The following PFKFB4 variants were observed in gnomAD, a reference collection of about 807,000 sequenced individuals.
PFKFB4 encodes the protein 6-phosphofructo-2-kinase/fructose-2,6-biphosphatase 4.
In PFKFB4, 42 loss-of-function variants were observed where a neutral mutation model predicts 62.8. That is an observed-to-expected ratio of 0.67 (90% CI 0.52 to 0.86). The LOEUF (loss-of-function observed/expected upper bound fraction) is 0.86. Ranked by LOEUF, PFKFB4 falls within the 40% of genes least tolerant of loss-of-function variation. The pLI, the probability that PFKFB4 is intolerant of heterozygous loss-of-function variation, is 0.00. For synonymous variants in PFKFB4, 204 were observed against 240.7 expected (o/e 0.85, Z 1.41); for missense variants, 475 against 627.2 (o/e 0.76, Z 2.59).
chr3:48,556,954 C>T, upstream of PFKFB4: 4 of 1,394,544 alleles, frequency 2.9e-6, no homozygotes, highest in East Asian at 2.9e-5. The surrounding 1 kb of genome is among the most constrained non-coding windows in gnomAD (Gnocchi z 5.7). Flanking sequence ...GAAAGGGGCC[C>T]GGCCTCCGAC....
chr3:48,547,232 T>C (rs966878130), intron 3 of PFKFB4, among the ~76,000 whole-genome samples: 1 of 152,146 alleles, frequency 6.6e-6, no homozygotes, highest in Admixed American at 6.5e-5. Flanking sequence ...GCCCAAGTAT[T>C]TATATGTGTA....
chr3:48,559,515 C>T (rs2043398814), upstream of PFKFB4: 2 of 457,112 alleles, frequency 4.4e-6, no homozygotes, highest in South Asian at 1.5e-5. Flanking sequence ...CATGTGTGCT[C>T]CCACTCCCCT....
Position 48,519,588 on chromosome 3 carries a change from C to T in PFKFB4, c.*159G>A. Reference sequence around the variant, plus strand: ...CTTGTCGCCGACTGTCAACAAAGAGCCAGGTGGGCTGGGGTGGGGGCTCTG... The same window carrying T: ...CTTGTCGCCGACTGTCAACAAAGAGTCAGGTGGGCTGGGGTGGGGGCTCTG... On this transcript the variant is annotated 3_prime_UTR_variant, in exon 14 of 14. Coordinates refer to ENST00000232375, the MANE Select transcript of PFKFB4 (RefSeq NM_004567.4). 1.6e-6 allele frequency: 1 copy of T among 621,120 alleles called. No individual in the cohort carries two copies. The highest frequency in any genetic ancestry group is 2.6e-5 in the Admixed American group (1 of 37,892). 38.5% of individuals were successfully genotyped at this position (621,120 alleles called of 1,614,324 possible).
Position 48,536,288 on chromosome 3 carries a change from C to T in PFKFB4, c.808G>A (p.Gly270Arg), listed in dbSNP as rs749567992. Residue 270 changes from glycine (G) to arginine (R), a missense_variant, in exon 8 of 14, where the codon GGG (glycine) becomes AGG (arginine). By Grantham distance (125) the Gly-to-Arg change is moderately radical (BLOSUM62 -2). Coordinates refer to ENST00000232375, the MANE Select transcript of PFKFB4 (RefSeq NM_004567.4). ...CCCCGAGGGGACAGTCCTGGGTCCC[C>T]GCCAATCCGGCCCTTGAGGTTGAGC... ...SELNLKGRIG[G>R]DPGLSPRGRE... is the part of the protein sequence containing the mutation. 1.7e-5 allele frequency: 27 copies of T among 1,613,978 alleles called. No individual in the cohort carries two copies. Among genetic ancestry groups the T allele is most frequent in the Middle Eastern group, 1.7e-4 (1 of 6,060 alleles).
chr3:48,532,194 CA>C (rs1219786697), intron 9 of PFKFB4, among the ~76,000 whole-genome samples: 1 of 152,100 alleles, frequency 6.6e-6, no homozygotes, highest in Non-Finnish European at 1.5e-5. Flanking sequence ...CCTGTAATCC[CA>C]GCTACTCAGG....
At position 48,549,822 on chromosome 3, in the gene PFKFB4, C is replaced by A. The variant is rs780042662; in HGVS notation, c.311+42G>T. On this transcript the variant is annotated intron_variant, in intron 3 of 13. Transcript: ENST00000232375. Reference sequence around the variant, plus strand: ...TGTGTTAGCTTTCTCCACACTGGGTCCCCCAGCAACCTCTCCCCCCACACC... The same window carrying A: ...TGTGTTAGCTTTCTCCACACTGGGTACCCCAGCAACCTCTCCCCCCACACC... 2.6e-5 allele frequency: 32 copies of A among 1,213,134 alleles called. No individual in the cohort carries two copies. The East Asian group carries it at 6.8e-4, about 26-fold the overall frequency. 75.1% of individuals were successfully genotyped at this position (1,213,134 alleles called of 1,614,324 possible).
chr3:48,545,307 A>AT (rs927238750), intron 3 of PFKFB4, among the ~76,000 whole-genome samples: 27 of 152,018 alleles, frequency 1.8e-4, no homozygotes, highest in Middle Eastern at 3.4e-3. Context: ...AATTTTTTGT[A>AT]TTTTTAGTAG....
chr3:48,558,135 T>A (rs2043374638), upstream of PFKFB4, among the ~76,000 whole-genome samples: 1 of 152,198 alleles, frequency 6.6e-6, no homozygotes, highest in Non-Finnish European at 1.5e-5. Flanking sequence ...TGTATCTCCC[T>A]CTTGTCTTTG....
intron 9 of PFKFB4, among the ~76,000 whole-genome samples, chr3:48,531,639 T>A (rs542833042): frequency 1.3e-4 from 20 of 150,414 alleles, no homozygotes; most frequent in East Asian, 6.0e-4. Flanking sequence ...ATTTTTTTTT[T>A]AAATTTAGCT....
At chr3:48,561,290 C>T (rs1459947887), upstream of PFKFB4, 4 of 279,352 alleles carry the variant, frequency 1.4e-5, no homozygotes, top group Non-Finnish European at 2.8e-5. The surrounding 1 kb of genome is among the most constrained non-coding windows in gnomAD (Gnocchi z 5.2). Context: ...AGCGCCAGTG[C>T]CCCCACTCCA....
chr3:48,532,417 A>C (rs991675433), intron 9 of PFKFB4, among the ~76,000 whole-genome samples: 1 of 152,266 alleles, frequency 6.6e-6, no homozygotes, highest in Non-Finnish European at 1.5e-5. Context: ...GCAGGGTCTC[A>C]AAGAGACATT....
chr3:48,530,024 G>A (rs550744269), intron 9 of PFKFB4, among the ~76,000 whole-genome samples: 30 of 151,628 alleles, frequency 2.0e-4, no homozygotes, highest in African/African-American at 7.0e-4. Context: ...AGGCCAAGGC[G>A]GGTGGATCAC....
At chr3:48,552,622 G>A (rs1004043653) in intron 1 of PFKFB4, among the ~76,000 whole-genome samples, 3 of 152,250 alleles carry the variant, frequency 2.0e-5, no homozygotes, top group Admixed American at 6.5e-5. Flanking sequence ...AGGTGGCCGG[G>A]CTCTCAAGCA....
At chr3:48,540,448 C>G (rs1262849169) in intron 4 of PFKFB4, among the ~76,000 whole-genome samples, 2 of 152,182 alleles carry the variant, frequency 1.3e-5, no homozygotes, top group Non-Finnish European at 2.9e-5. Flanking sequence ...GAGCTGGAGG[C>G]CCAGGCCCCC....
At position 48,521,972 on chromosome 3, in the gene PFKFB4, G is replaced by A; in HGVS notation, c.1350+14C>T. ...AGGAACACCCCGCTACCCCAGCAGT[G>A]ACCCCATTGCTACCTGAGGCCTGTC... On this transcript the variant is annotated intron_variant, in intron 13 of 13. Transcript: ENST00000232375. This position sits in a 1 kb window ranked among gnomAD's most constrained non-coding sequence, Gnocchi z 5.3. The A allele has an allele frequency of 1.2e-6, 2 of 1,611,630 alleles. No homozygotes were observed. Among genetic ancestry groups the A allele is most frequent in the Non-Finnish European group, 1.7e-6 (2 of 1,177,746 alleles).
At chr3:48,542,758 GT>G (rs2042839845) in intron 4 of PFKFB4, among the ~76,000 whole-genome samples, 1 of 152,152 alleles carries the variant, frequency 6.6e-6, no homozygotes, top group African/African-American at 2.4e-5. Context: ...TCAGAGTGAT[GT>G]TGTAGAAGTT....
chr3:48,558,277 A>C (rs1417871314), upstream of PFKFB4, among the ~76,000 whole-genome samples: 1 of 151,640 alleles, frequency 6.6e-6, no homozygotes, highest in African/African-American at 2.4e-5. Flanking sequence ...CGCCTCTCCA[A>C]GCTTTGTACA....
At chr3:48,561,436 G>A (rs528648693), upstream of PFKFB4, among the ~76,000 whole-genome samples, 10 of 152,392 alleles carry the variant, frequency 6.6e-5, no homozygotes, top group East Asian at 1.9e-4. This position sits in a 1 kb window ranked among gnomAD's most constrained non-coding sequence, Gnocchi z 5.2. Flanking sequence ...GGGCAAGCCC[G>A]TCCACACTGC....
chr3:48,542,272 T>C (rs1222678586), intron 4 of PFKFB4, among the ~76,000 whole-genome samples: 1 of 148,318 alleles, frequency 6.7e-6, no homozygotes, highest in Non-Finnish European at 1.5e-5. Flanking sequence ...AGGAGGAGCT[T>C]GTAGTGAGCC....
Sources: gnomAD v4.1 joint callset for allele counts (sites outside exome capture counted in the v4.1 genomes callset) on GRCh38, gnomAD v4.1.1 for gene constraint, Gnocchi (gnomAD v3.1) non-coding constraint, MANE v1.5 for transcripts, NCBI Gene and HGNC (gene_info 2026-07-23, HGNC 2026-07-21) for gene names.